The following PKHD1L1 variants were observed in gnomAD, a reference collection of about 807,000 sequenced individuals.
PKHD1L1 encodes fibrocystin-L.
A neutral mutation model predicts 462.9 loss-of-function variants in PKHD1L1; 434 were observed. That is an observed-to-expected ratio of 0.94 (90% CI 0.87 to 1.02). The LOEUF (loss-of-function observed/expected upper bound fraction) is 1.02. Among genes scored for constraint, PKHD1L1 ranks in the 50% least tolerant of loss-of-function variants. The pLI is 0.00. For synonymous variants in PKHD1L1, 1,781 were observed against 1,750.0 expected, an observed-to-expected ratio of 1.02 and a Z score of -0.44; for missense variants, 5,202 against 5,096.1, an observed-to-expected ratio of 1.02 and a Z score of -0.63.
At chr8:109,493,893 T>C in intron 63 of PKHD1L1, 142 bp downstream of exon 63, 1 of 527,958 alleles carries the variant, frequency 1.9e-6, no homozygotes. Flanking sequence ...ATAAATTATT[T>C]CAAGATAACA....
In PKHD1L1 at chr8:109,507,664, A is replaced by G. The variant is rs1819759173; in HGVS notation, c.10996A>G (p.Lys3666Glu). Residue 3666 changes from lysine (K) to glutamate (E), a missense_variant and splice_region_variant, in exon 69 of 78, where the codon AAG becomes GAG. By Grantham distance (56) the Lys-to-Glu change is moderately conservative. Transcript: ENST00000378402. ...GAATAATTCAACTTTTCTCCACAGT[A>G]AGGTCAATCCATCTGATTGTGTAGA... is the stretch of plus-strand genomic sequence containing the variant. ...KIFIHRPDIS[K>E]VNPSDCVDMV... 6 of 1,610,880 alleles carry G rather than the reference A, an allele frequency of 3.7e-6. No homozygotes were observed. The highest frequency in any genetic ancestry group is 3.4e-6 in the Non-Finnish European group (4 of 1,177,332).
intron 51 of PKHD1L1, 100 bp downstream of exon 51, chr8:109,475,369 T>C: frequency 1.0e-6 from 1 of 992,072 alleles, no homozygotes; most frequent in Non-Finnish European, 1.4e-6. Context: ...AGAGGGACTT[T>C]CATCACAAAT....
chr8:109,412,386 G>C lies in PKHD1L1; in HGVS notation c.2207G>C (p.Gly736Ala), dbSNP rs267601712. 13 of 1,612,890 alleles carry C rather than the reference G, an allele frequency of 8.1e-6. No individual in the cohort carries two copies. Among genetic ancestry groups the C allele is most frequent in the African/African-American group, 1.3e-5 (1 of 74,866 alleles). Residue 736 changes from glycine to alanine, a missense_variant, in exon 20 of 78, where the codon GGA becomes GCA. By Grantham distance (60) the Gly-to-Ala change is moderately conservative. Around this residue, in one of 3 missense-constraint regions of PKHD1L1, gnomAD observed 4,497 missense variants for 4,336.8 expected, o/e 1.04. Coordinates refer to ENST00000378402, the MANE Select transcript of PKHD1L1 (RefSeq NM_177531.6). Reference sequence around the variant, plus strand: ...GTTAAACCAAACAGACGACCATATGGAGATATTTTATTGTTTCCTTATAAT... The same window carrying C: ...GTTAAACCAAACAGACGACCATATGCAGATATTTTATTGTTTCCTTATAAT... ...ADVKPNRRPY[G>A]DILLFPYNQL...
intron 57 of PKHD1L1, among the ~76,000 whole-genome samples, chr8:109,484,256 C>G (rs117067905): frequency 1.3e-5 from 2 of 151,724 alleles, no homozygotes; most frequent in African/African-American, 4.8e-5. Context: ...TTTGATATCC[C>G]TATTATTTAT....
intron 68 of PKHD1L1, among the ~76,000 whole-genome samples, chr8:109,505,956 T>G (rs2130970742): frequency 6.6e-6 from 1 of 152,268 alleles, no homozygotes; most frequent in East Asian, 1.9e-4. Context: ...ATAAATTGTT[T>G]GACTTCATCT....
intron 62 of PKHD1L1, among the ~76,000 whole-genome samples, 183 bp from the exon 63 acceptor site, chr8:109,493,478 C>T (rs1818930203): frequency 6.6e-6 from 1 of 151,412 alleles, no homozygotes; most frequent in East Asian, 1.9e-4. Flanking sequence ...ACACCAAGAA[C>T]CTGGTGTAAT....
At chr8:109,484,276 A>G (rs1011133995) in intron 57 of PKHD1L1, among the ~76,000 whole-genome samples, 1 of 151,944 alleles carries the variant, frequency 6.6e-6, no homozygotes, top group Non-Finnish European at 1.5e-5. Flanking sequence ...TCCAATTAAT[A>G]CTGTCTGCAA....
chr8:109,456,341 A>G lies in PKHD1L1; in HGVS notation c.6954A>G (p.Ala2318=). The G allele has an allele frequency of 6.2e-7, 1 of 1,611,100 alleles. No homozygotes were observed. Among genetic ancestry groups the G allele is most frequent in the Non-Finnish European group, 8.5e-7 (1 of 1,178,480 alleles). Residue 2318 remains alanine, a synonymous_variant, in exon 46 of 78, where the codon GCA becomes GCG. Transcript: ENST00000378402. ...AGERILILQE[A]VTWKPGDNIV... ...AAAGAATTTTAATTTTACAAGAAGC[A>G]GTAACATGGAAACCAGGAGATAACA...
chr8:109,415,654 AG>A lies in PKHD1L1; in HGVS notation c.2360+2114del, dbSNP rs1470828160. Among the ~76,000 whole-genome samples, 5 of 151,952 alleles carry A rather than the reference AG, an allele frequency of 3.3e-5. No individual in the cohort carries two copies. The East Asian group carries it at 9.7e-4, about 30-fold the overall frequency. ...GGAATGATCTTAATTTAAAAAAAGG[AG>A]GGGGCTGGGCAACATGGCAACCATC... On this transcript the variant is annotated intron_variant, in intron 21 of 77. Coordinates refer to ENST00000378402, the MANE Select transcript of PKHD1L1 (RefSeq NM_177531.6).
At chr8:109,428,107 G>T (rs1814875715) in intron 25 of PKHD1L1, among the ~76,000 whole-genome samples, 1 of 151,362 alleles carries the variant, frequency 6.6e-6, no homozygotes, top group Non-Finnish European at 1.5e-5. Flanking sequence ...TGCAATGTTG[G>T]TGAGAATGAA....
intron 76 of PKHD1L1, among the ~76,000 whole-genome samples, chr8:109,525,818 T>G (rs1820788023): frequency 6.6e-6 from 1 of 152,038 alleles, no homozygotes; most frequent in Non-Finnish European, 1.5e-5. Flanking sequence ...GACAGAAAAT[T>G]CTATAGTACA....
intron 1 of PKHD1L1, 109 bp from the exon 2 acceptor site, chr8:109,364,437 TA>T: frequency 1.3e-6 from 1 of 784,686 alleles, no homozygotes; most frequent in Non-Finnish European, 2.1e-6. Context: ...TTCAATCCTG[TA>T]AACTTCATAA....
At chr8:109,441,986 T>G in intron 34 of PKHD1L1, 21 bp from the exon 35 acceptor site, 1 of 1,524,286 alleles carries the variant, frequency 6.6e-7, no homozygotes, top group African/African-American at 1.4e-5. Flanking sequence ...TTTTAAAATA[T>G]TACTCAATTC....
chr8:109,451,157 C>T lies in PKHD1L1; in HGVS notation c.6350+8C>T. ...CGTGGGATCAGGATTCAGGTACTGT[C>T]TCCACACAAACACGCATCATTGTGC... is the stretch of plus-strand genomic sequence containing the variant. On this transcript the variant is annotated splice_region_variant and intron_variant, in intron 41 of 77. Transcript: ENST00000378402. The T allele has an allele frequency of 6.3e-7, 1 of 1,593,874 alleles. No individual in the cohort carries two copies. The highest frequency in any genetic ancestry group is 8.6e-7 in the Non-Finnish European group (1 of 1,167,296).
chr8:109,462,633 C>T (rs1817204093), intron 48 of PKHD1L1, among the ~76,000 whole-genome samples: 1 of 152,128 alleles, frequency 6.6e-6, no homozygotes, highest in Admixed American at 6.6e-5. Flanking sequence ...CTTCCACCTC[C>T]AGGGTTCAAG....
chr8:109,491,134 A>G, intron 61 of PKHD1L1, 33 bp downstream of exon 61: 1 of 1,585,990 alleles, frequency 6.3e-7, no homozygotes, highest in Non-Finnish European at 8.6e-7. Flanking sequence ...CAAATTACAC[A>G]TCCTGTGGAG....
intron 31 of PKHD1L1, 44 bp from the exon 32 acceptor site, chr8:109,438,853 C>A (rs1273498259): frequency 2.2e-6 from 3 of 1,387,318 alleles, no homozygotes; most frequent in East Asian, 2.5e-5. Context: ...CACTGGATAA[C>A]AAGTTGAACT....
chr8:109,397,669 G>T (rs1366215075), intron 11 of PKHD1L1, among the ~76,000 whole-genome samples: 2 of 152,144 alleles, frequency 1.3e-5, no homozygotes, highest in African/African-American at 4.8e-5. Flanking sequence ...CAGCCTGGGT[G>T]ACAGAGCAAG....
Position 109,490,986 on chromosome 8 carries a change from C to T in PKHD1L1, c.9999C>T (p.Gly3333=), listed in dbSNP as rs778898143. The T allele has an allele frequency of 6.2e-7, 1 of 1,605,924 alleles. No individual in the cohort carries two copies. Among genetic ancestry groups the T allele is most frequent in the Non-Finnish European group, 8.5e-7 (1 of 1,174,400 alleles). ...ATGTTGTATAGATTCAAGAACATGG[C>T]TCATCTTATATTCGAGGCTGTGCTT... The part of the protein sequence containing the change: ...FLNLGQIQEH[G]SSYIRGCAFH... Residue 3333 remains glycine (G), a synonymous_variant, in exon 61 of 78, where the codon GGC becomes GGT. Transcript: ENST00000378402.
Sources: allele counts gnomAD v4.1 joint callset (sites outside exome capture counted in the v4.1 genomes callset), GRCh38; gene constraint gnomAD v4.1.1; regional missense constraint gnomAD v4.1.1; transcripts MANE v1.5; gene names NCBI Gene and HGNC (gene_info 2026-07-23, HGNC 2026-07-21).